Variants in TAF1 observed in about 807,000 individuals in gnomAD.
TAF1 encodes TATA-box binding protein associated factor 1, also known as transcription initiation factor TFIID subunit 1.
TAF1 carries 2 observed loss-of-function variants against 138.5 expected under a neutral mutation model. That is an observed-to-expected ratio of 0.01 (90% CI 0.01 to 0.05). TAF1 has a LOEUF of 0.05. Among genes scored for constraint, TAF1 ranks in the 10% least tolerant of loss-of-function variants. The pLI is 1.00. For missense variants in TAF1, 709 were observed against 1,478.0 expected (o/e 0.48, Z 8.53); for synonymous variants, 437 against 503.2 (o/e 0.87, Z 1.76).
Position 71,425,468 on chromosome X carries a change from C to T in TAF1, c.4753+1230C>T, listed in dbSNP as rs763870091. ...GCACACATAGCAAGACCTTCCTTGTCTGTATAAAAAACTTATAAACAAAAG... is the reference window on the plus strand; with the variant it reads ...GCACACATAGCAAGACCTTCCTTGTTTGTATAAAAAACTTATAAACAAAAG... On this transcript the variant is annotated intron_variant, in intron 32 of 37. Transcript: ENST00000423759. 5.4e-5 allele frequency among the ~76,000 whole-genome samples: 6 copies of T among 110,797 alleles called. No homozygotes were observed. The East Asian group carries it at 1.7e-3, about 31-fold the overall frequency.
intron 32 of TAF1, 73 bp from the exon 33 acceptor site, chrX:71,454,097 A>G (rs1290110317): frequency 3.2e-6 from 3 of 936,022 alleles, no homozygotes; most frequent in Non-Finnish European, 4.6e-6. Context: ...AATGGGACAC[A>G]CTGCTGATGA....
chrX:71,483,151 C>T (rs201804968), intron 13 of TAF1, among the ~76,000 whole-genome samples: 109 of 74,590 alleles, frequency 1.5e-3, no homozygotes, highest in Middle Eastern at 6.9e-3. Flanking sequence ...TTTTTCTTTT[C>T]TTTTTTTTTT....
intron 19 of TAF1, 33 bp downstream of exon 19, chrX:71,392,751 T>A (rs1460984995): frequency 8.4e-7 from 1 of 1,188,039 alleles, no homozygotes; most frequent in African/African-American, 1.8e-5. Flanking sequence ...AATGAAAAAG[T>A]CAAGGGAGAA....
chrX:71,459,843 G>C (rs2038472977), intron 36 of TAF1, 135 bp downstream of exon 36: 3 of 1,055,187 alleles, frequency 2.8e-6, no homozygotes, highest in African/African-American at 1.9e-5. Context: ...TAATAGACCT[G>C]AGAGTACTGA....
chrX:71,463,466 G>A (rs1043731638), intron 37 of TAF1, among the ~76,000 whole-genome samples: 21 of 110,624 alleles, frequency 1.9e-4, no homozygotes, highest in African/African-American at 6.3e-4. Context: ...TGGAAAGGAG[G>A]GGATAGAGAC....
chrX:71,502,089 G>A (rs1266787964), intron 13 of TAF1, among the ~76,000 whole-genome samples: 2 of 111,358 alleles, frequency 1.8e-5, no homozygotes, highest in African/African-American at 6.5e-5. Context: ...AGTGTGGAAG[G>A]GGACCTGAGC....
chrX:71,489,198 A>G (rs1368878797), intron 13 of TAF1, among the ~76,000 whole-genome samples: 1 of 110,473 alleles, frequency 9.1e-6, no homozygotes, highest in Admixed American at 9.7e-5. Context: ...TTTTGTTGCT[A>G]TTGTTTTAGG....
In TAF1 at chrX:71,384,974, T is replaced by C. The variant is rs1344937431; in HGVS notation, c.2151T>C (p.Asp717=). The C allele has an allele frequency of 8.3e-7, 1 of 1,210,738 alleles. No homozygotes were observed. ...CTGGAAAAGATCCTGGAGCACCAGATTGTAAATATGGGGAAACTGTTTACT... is the reference window on the plus strand; with the variant it reads ...CTGGAAAAGATCCTGGAGCACCAGACTGTAAATATGGGGAAACTGTTTACT... ...RKPGKDPGAP[D]CKYGETVYCH... is the part of the protein sequence containing the mutation. The change falls in exon 14 of 38, where the codon GAT becomes GAC. Residue 717 remains aspartate, a synonymous_variant. Coordinates refer to ENST00000423759, the MANE Select transcript of TAF1 (RefSeq NM_004606.5).
At chrX:71,472,738 T>TAAATA (rs778380672) in intron 13 of TAF1, among the ~76,000 whole-genome samples, 7 of 111,373 alleles carry the variant, frequency 6.3e-5, no homozygotes, top group Admixed American at 9.7e-5. Flanking sequence ...CTCAAAAAAA[T>TAAATA]AAATAAAATA....
rs746102279 is a variant in TAF1 at position 71,472,275 on chromosome X, ATTTAC to A, written c.1366+11475_1366+11479del. On this transcript the variant is annotated intron_variant and NMD_transcript_variant, in intron 13 of 14. Transcript: ENST00000373775. ...TAGTTTATTGAATTAATTTATCCTTATTTACTTAGCCATTTCCCTATTATTAGTTT... is the reference window on the plus strand; with the variant it reads ...TAGTTTATTGAATTAATTTATCCTTATTAGCCATTTCCCTATTATTAGTTT... Among the ~76,000 whole-genome samples, 6 of 112,043 alleles carry A rather than the reference ATTTAC, an allele frequency of 5.4e-5. No individual in the cohort carries two copies. The East Asian group carries it at 8.3e-4, about 16-fold the overall frequency.
At chrX:71,504,682 CAGTG>C (rs2039583963) in intron 13 of TAF1, among the ~76,000 whole-genome samples, 1 of 82,092 alleles carries the variant, frequency 1.2e-5, no homozygotes, top group East Asian at 4.5e-4. Flanking sequence ...TTCAAGGTTG[CAGTG>C]AGCTGTGATT....
Position 71,465,049 on chromosome X carries a change from T to C in TAF1, c.*1003T>C, listed in dbSNP as rs997758684. The C allele has an allele frequency of 3.8e-5, 4 of 105,983 alleles. No homozygotes were observed. The highest frequency in any genetic ancestry group is 7.8e-5 in the Non-Finnish European group (4 of 51,485). 8.7% of individuals were successfully genotyped at this position (105,983 alleles called of 1,213,427 possible). ...AGACTGTGTCTTCTGTTTCTTTTCATGCTTAGGATATGGTTCTGTGCATAG... is the reference window on the plus strand; with the variant it reads ...AGACTGTGTCTTCTGTTTCTTTTCACGCTTAGGATATGGTTCTGTGCATAG... On this transcript the variant is annotated 3_prime_UTR_variant, in exon 38 of 38. Coordinates refer to ENST00000423759, the MANE Select transcript of TAF1 (RefSeq NM_004606.5).
rs1450932682 is a variant in TAF1 at position 71,367,633 on chromosome X, G to A, written c.235+20G>A. On this transcript the variant is annotated intron_variant, in intron 2 of 37. Transcript: ENST00000423759. ...ATGAAGGTGAAGTCTGGGTTGTGGGGAGTAGGCGGGGGAGGAGGCTAGCCA... is the reference window on the plus strand; with the variant it reads ...ATGAAGGTGAAGTCTGGGTTGTGGGAAGTAGGCGGGGGAGGAGGCTAGCCA... 8.3e-7 allele frequency: 1 copy of A among 1,202,316 alleles called. No individual in the cohort carries two copies. The highest frequency in any genetic ancestry group is 1.8e-5 in the African/African-American group (1 of 56,877).
At position 71,369,727 on chromosome X, in the gene TAF1, T is replaced by C. The variant is rs1230381416; in HGVS notation, c.352+1557T>C. Among the ~76,000 whole-genome samples the C allele has an allele frequency of 9.3e-5, 10 of 106,958 alleles. No individual in the cohort carries two copies. In the Admixed American group the frequency reaches 1.0e-3, roughly 11 times the overall value. 92.9% of individuals were successfully genotyped at this position (106,958 alleles called of 115,157 possible). ...TTCATGCCATTCTCTTGCCTCAGCC[T>C]CCCGAGTAGCTGGGACTACAGGCGC... On this transcript the variant is annotated intron_variant, in intron 3 of 37. Transcript: ENST00000423759.
chrX:71,423,601 A>T (rs967512708), intron 30 of TAF1, among the ~76,000 whole-genome samples: 1 of 110,815 alleles, frequency 9.0e-6, no homozygotes, highest in African/African-American at 3.3e-5. Flanking sequence ...ATAATTAGAC[A>T]CCATTGGTTG....
intron 3 of TAF1, among the ~76,000 whole-genome samples, chrX:71,374,598 C>T (rs1374335608): frequency 9.1e-6 from 1 of 110,488 alleles, no homozygotes; most frequent in Non-Finnish European, 1.9e-5. Flanking sequence ...AGGCGTGTGC[C>T]ACCACGCCTA....
At chrX:71,473,629 C>T (rs1027913011) in intron 13 of TAF1, among the ~76,000 whole-genome samples, 3 of 109,840 alleles carry the variant, frequency 2.7e-5, no homozygotes, top group Non-Finnish European at 3.8e-5. Context: ...TACAGTGAGC[C>T]GTGAGCCACT....
intron 30 of TAF1, among the ~76,000 whole-genome samples, chrX:71,423,723 C>T (rs957210219): frequency 6.3e-5 from 7 of 111,758 alleles, no homozygotes; most frequent in Non-Finnish European, 9.4e-5. Flanking sequence ...TAAAACTTCT[C>T]GTTGGGACTA....
In TAF1 at chrX:71,460,576, A is replaced by C. The variant is rs777555953; in HGVS notation, c.5222-50A>C. The C allele has an allele frequency of 2.5e-6, 3 of 1,186,952 alleles. No individual in the cohort carries two copies. In the East Asian group the frequency reaches 8.9e-5, roughly 35 times the overall value. On this transcript the variant is annotated intron_variant, in intron 36 of 37. Coordinates refer to ENST00000423759, the MANE Select transcript of TAF1 (RefSeq NM_004606.5). ...GAAGATCAAGCCAAAGATCAAGTTA[A>C]ATCTGTCAAGCTTAACTCTTGATGA...
Sources: allele counts gnomAD v4.1 joint callset (sites outside exome capture counted in the v4.1 genomes callset), GRCh38; gene constraint gnomAD v4.1.1; transcripts MANE v1.5; gene names NCBI Gene and HGNC (gene_info 2026-07-23, HGNC 2026-07-21).